Variants in STX4 observed in about 807,000 individuals in gnomAD.
STX4 encodes the protein syntaxin-4.
STX4 carries 24 observed loss-of-function variants against 41.8 expected under a neutral mutation model. That is an observed-to-expected ratio of 0.57 (90% CI 0.42 to 0.81). STX4 has a LOEUF of 0.81. Among genes scored for constraint, STX4 ranks in the 30% least tolerant of loss-of-function variants. The pLI is 0.00. For synonymous variants in STX4, 158 were observed against 156.4 expected, an observed-to-expected ratio of 1.01 and a Z score of -0.08; for missense variants, 316 against 389.9, an observed-to-expected ratio of 0.81 and a Z score of 1.60.
rs780662780 is a variant in STX4 at position 31,038,205 on chromosome 16, C to G, written c.564+15C>G. 3.7e-6 allele frequency: 6 copies of G among 1,613,392 alleles called. No individual in the cohort carries two copies. The African/African-American group carries it at 5.3e-5, about 14-fold the overall frequency. On this transcript the variant is annotated intron_variant, in intron 7 of 10. Transcript: ENST00000313843. ...TTGTGTCCAATGTGAGTGGCCACAG[C>G]CAGCCCCTCTCTGCTGTGCCTCCCA...
chr16:31,038,950 G>A, intron 8 of STX4: 1 of 349,740 alleles, frequency 2.9e-6, no homozygotes, highest in Non-Finnish European at 5.5e-6. Flanking sequence ...CCTCTCAGAG[G>A]TCCAGTCAGA....
Position 31,033,567 on chromosome 16 carries a change from G to T in STX4, c.-239G>T. On this transcript the variant is annotated 5_prime_UTR_variant, in exon 1 of 11. Coordinates refer to ENST00000313843, the MANE Select transcript of STX4 (RefSeq NM_004604.5). The surrounding 1 kb of genome is among the most constrained non-coding windows in gnomAD (Gnocchi z 5.5). ...ATCACGGAGGGGCGGGGCTGAGGCT[G>T]CGGGAGCTGGAGCGGGGAAGAAAAG... 1 of 1,543,958 alleles carries T rather than the reference G, an allele frequency of 6.5e-7. No homozygotes were observed. Among genetic ancestry groups the T allele is most frequent in the Non-Finnish European group, 8.7e-7 (1 of 1,142,896 alleles).
At chr16:31,034,677 C>T (rs940418450) in intron 4 of STX4, 141 bp downstream of exon 4, 11 of 981,772 alleles carry the variant, frequency 1.1e-5, no homozygotes, top group Admixed American at 6.2e-5. Flanking sequence ...GTCTCCTGGC[C>T]TCCAGGCCAT....
chr16:31,038,216 C>T (rs1442923592), intron 7 of STX4, 26 bp downstream of exon 7: 1 of 1,612,622 alleles, frequency 6.2e-7, no homozygotes, highest in East Asian at 2.2e-5. Flanking sequence ...CAGCCCCTCT[C>T]TGCTGTGCCT....
Position 31,034,983 on chromosome 16 carries a change from G to C in STX4, c.321G>C (p.Gln107His). The stretch of plus-strand genomic sequence containing the variant: ...GTCTTCCCACAGCCATAGAGCCCCA[G>C]AAGGAGGAAGCTGATGAGAACTATA... Reference protein sequence around the residue: ...IRLQLKAIEPQKEEADENYNS... With the variant: ...IRLQLKAIEPHKEEADENYNS... Residue 107 changes from glutamine (Q) to histidine (H), a missense_variant, in exon 5 of 11, where the codon CAG (glutamine) becomes CAC (histidine). Coordinates refer to ENST00000313843, the MANE Select transcript of STX4 (RefSeq NM_004604.5). 6.2e-7 allele frequency: 1 copy of C among 1,610,680 alleles called. No homozygotes were observed. The highest frequency in any genetic ancestry group is 8.5e-7 in the Non-Finnish European group (1 of 1,178,890).
chr16:31,037,481 G>T (rs1264380584), intron 5 of STX4, among the ~76,000 whole-genome samples: 1 of 148,836 alleles, frequency 6.7e-6, no homozygotes, highest in Non-Finnish European at 1.5e-5. Flanking sequence ...CCAACATGGT[G>T]AAACCCCATC....
Position 31,033,768 on chromosome 16 carries a change from C to T in STX4, c.-38C>T, listed in dbSNP as rs1004702347. The T allele has an allele frequency of 3.4e-6, 5 of 1,450,330 alleles. No individual in the cohort carries two copies. The highest frequency in any genetic ancestry group is 4.5e-6 in the Non-Finnish European group (5 of 1,099,470). 89.8% of individuals were successfully genotyped at this position (1,450,330 alleles called of 1,614,324 possible). A position where few individuals can be genotyped will look rare whatever the true frequency, so the allele number is the denominator to read the frequency against. On this transcript the variant is annotated 5_prime_UTR_variant, in exon 1 of 11. Transcript: ENST00000313843. The surrounding 1 kb of genome is among the most constrained non-coding windows in gnomAD (Gnocchi z 5.5). Reference sequence around the variant, plus strand: ...ACGGGAATTCCAAATTTGAGGGCCTCCCGGCTCTGGCGCCGGGGAGGGAGA... The same window carrying T: ...ACGGGAATTCCAAATTTGAGGGCCTTCCGGCTCTGGCGCCGGGGAGGGAGA...
At chr16:31,038,065 G>A (rs372610287) in intron 6 of STX4, 31 bp downstream of exon 6, 14 of 1,614,026 alleles carry the variant, frequency 8.7e-6, no homozygotes, top group Non-Finnish European at 1.1e-5. Flanking sequence ...CTGGCCCGCA[G>A]GGGCAGGTAA....
Position 31,038,640 on chromosome 16 carries a change from A to T in STX4, c.695A>T (p.Glu232Val). The T allele has an allele frequency of 6.2e-7, 1 of 1,613,942 alleles. No homozygotes were observed. Among genetic ancestry groups the T allele is most frequent in the Non-Finnish European group, 8.5e-7 (1 of 1,179,982 alleles). ...TTCACTTTTCTGGCTACCGAAGTGGAGATGCAGGTGGGTGCCCCGCGCAGC... is the reference window on the plus strand; with the variant it reads ...TTCACTTTTCTGGCTACCGAAGTGGTGATGCAGGTGGGTGCCCCGCGCAGC... Reference protein sequence around the residue: ...DIFTFLATEVEMQGEMINRIE... With the variant: ...DIFTFLATEVVMQGEMINRIE... The change falls in exon 8 of 11, where the codon GAG becomes GTG. Residue 232 changes from glutamate to valine, a missense_variant. Transcript: ENST00000313843.
In STX4 at chr16:31,040,127, C is replaced by T. The variant is rs879240366; in HGVS notation, c.*231C>T. The stretch of plus-strand genomic sequence containing the variant: ...CACTGTCCTGATTGGCCGGGACACA[C>T]GGTTTTGTAAAAAATTAAAAAACAA... On this transcript the variant is annotated 3_prime_UTR_variant, in exon 11 of 11. Coordinates refer to ENST00000313843, the MANE Select transcript of STX4 (RefSeq NM_004604.5). 3.8e-5 allele frequency: 13 copies of T among 338,148 alleles called. No individual in the cohort carries two copies. The South Asian group carries it at 5.6e-4, about 14-fold the overall frequency. 20.9% of individuals were successfully genotyped at this position (338,148 alleles called of 1,614,324 possible). A position where few individuals can be genotyped will look rare whatever the true frequency, so the allele number is the denominator to read the frequency against.
intron 5 of STX4, among the ~76,000 whole-genome samples, chr16:31,035,533 A>G (rs993114558): frequency 2.0e-5 from 3 of 152,014 alleles, no homozygotes; most frequent in African/African-American, 7.2e-5. Flanking sequence ...GCTGGGACAC[A>G]TGTTTTCTGG....
chr16:31,037,697 A>T (rs1267680125), intron 5 of STX4, among the ~76,000 whole-genome samples: 1 of 151,238 alleles, frequency 6.6e-6, no homozygotes, highest in Non-Finnish European at 1.5e-5. Context: ...AAATAAATAA[A>T]TAAATAAATA....
In STX4 at chr16:31,039,819, G is replaced by C; in HGVS notation, c.*15+1G>C. The C allele has an allele frequency of 6.2e-7, 1 of 1,614,054 alleles. No homozygotes were observed. Among genetic ancestry groups the C allele is most frequent in the South Asian group, 1.1e-5 (1 of 91,078 alleles). On this transcript the variant is annotated splice_donor_variant, in intron 10 of 10. Transcript: ENST00000313843. LOFTEE classifies it low-confidence loss of function (3UTR_SPLICE). This position sits in a 1 kb window ranked among gnomAD's most constrained non-coding sequence, Gnocchi z 4.1. ...GGTTGGATAATGTCGCACATTGTTG[G>C]TGAGATGTTGTGGGCTGCCCCCTGG...
intron 5 of STX4, among the ~76,000 whole-genome samples, chr16:31,037,173 C>T (rs1452192955): frequency 6.6e-6 from 1 of 150,520 alleles, no homozygotes; most frequent in Non-Finnish European, 1.5e-5. Context: ...AAGCCATTCT[C>T]TTGCTTCAGC....
chr16:31,035,372 G>A (rs372410651), intron 5 of STX4, among the ~76,000 whole-genome samples: 3 of 152,046 alleles, frequency 2.0e-5, no homozygotes, highest in African/African-American at 7.2e-5. Context: ...GATTACAGGC[G>A]GACACCCCCA....
Position 31,033,906 on chromosome 16 carries a change from T to C in STX4, c.30+71T>C, listed in dbSNP as rs1596733899. Reference sequence around the variant, plus strand: ...AACGCAGGACTTCTGGTCTTCGGGATAGGGAGGGGTGGCTGATGGCCAGGA... The same window carrying C: ...AACGCAGGACTTCTGGTCTTCGGGACAGGGAGGGGTGGCTGATGGCCAGGA... On this transcript the variant is annotated intron_variant, in intron 1 of 10. Transcript: ENST00000313843. The surrounding 1 kb of genome is among the most constrained non-coding windows in gnomAD (Gnocchi z 5.5). 1.2e-5 allele frequency: 18 copies of C among 1,454,202 alleles called. No individual in the cohort carries two copies. Among genetic ancestry groups the C allele is most frequent in the East Asian group, 2.5e-5 (1 of 39,930 alleles). The allele number at this position is 1,454,202 out of a possible 1,614,324, so 90.1% of individuals were successfully genotyped here. A position where few individuals can be genotyped will look rare whatever the true frequency, so the allele number is the denominator to read the frequency against.
Position 31,033,949 on chromosome 16 carries a change from C to T in STX4, c.31-64C>T. ...GGCCAGGAAGGAAAGTCCCGGAAGCCTGTGGGTCCTGCGGGGTAAGAGCCG... is the reference window on the plus strand; with the variant it reads ...GGCCAGGAAGGAAAGTCCCGGAAGCTTGTGGGTCCTGCGGGGTAAGAGCCG... On this transcript the variant is annotated intron_variant, in intron 1 of 10. Coordinates refer to ENST00000313843, the MANE Select transcript of STX4 (RefSeq NM_004604.5). The surrounding 1 kb of genome is among the most constrained non-coding windows in gnomAD (Gnocchi z 5.5). 6.7e-7 allele frequency: 1 copy of T among 1,484,642 alleles called. No individual in the cohort carries two copies. The highest frequency in any genetic ancestry group is 9.0e-7 in the Non-Finnish European group (1 of 1,113,730). The allele number at this position is 1,484,642 out of a possible 1,614,324, so 92.0% of individuals were successfully genotyped here. A position where few individuals can be genotyped will look rare whatever the true frequency, so the allele number is the denominator to read the frequency against.
At chr16:31,034,749 T>C in intron 4 of STX4, 1 of 692,624 alleles carries the variant, frequency 1.4e-6, no homozygotes, top group East Asian at 2.9e-5. Flanking sequence ...AACCATTTAC[T>C]TACACAGTTA....
At chr16:31,034,423 G>A (rs775357269) in intron 3 of STX4, 39 bp from the exon 4 acceptor site, 27 of 1,600,570 alleles carry the variant, frequency 1.7e-5, no homozygotes, top group Non-Finnish European at 2.0e-5. Flanking sequence ...TGTTGAGGTG[G>A]GGGCTGCTGT....
Sources: allele counts gnomAD v4.1 joint callset (sites outside exome capture counted in the v4.1 genomes callset), GRCh38; gene constraint gnomAD v4.1.1; non-coding constraint Gnocchi (gnomAD v3.1); transcripts MANE v1.5; gene names NCBI Gene and HGNC (gene_info 2026-07-23, HGNC 2026-07-21).